The following CENPO variants were observed in gnomAD, a reference collection of about 807,000 sequenced individuals.
The protein encoded by CENPO is centromere protein O.
A neutral mutation model predicts 36.1 loss-of-function variants in CENPO; 30 were observed. The observed-to-expected ratio is 0.83, with a 90% confidence interval of 0.62 to 1.13. The LOEUF (loss-of-function observed/expected upper bound fraction) is 1.13. CENPO is among the 50% of genes most tolerant of loss of function. The probability of loss-of-function intolerance (pLI) is 0.00; values close to 1 mark genes in which losing one functional copy is unlikely to be tolerated. For missense variants in CENPO, 349 were observed against 357.8 expected, an observed-to-expected ratio of 0.98 and a Z score of 0.20; for synonymous variants, 171 against 142.3, an observed-to-expected ratio of 1.20 and a Z score of -1.44.
intron 3 of CENPO, among the ~76,000 whole-genome samples, chr2:24,805,545 T>A (rs547140417): frequency 6.6e-5 from 10 of 152,322 alleles, no homozygotes; most frequent in South Asian, 2.1e-4. Context: ...CTTCTAACAG[T>A]CGGGACCCTC....
Position 24,822,210 on chromosome 2 carries a change from C to A in CENPO, c.*2892C>A, listed in dbSNP as rs537951258. On this transcript the variant is annotated 3_prime_UTR_variant, in exon 8 of 8. Coordinates refer to ENST00000380834, the MANE Select transcript of CENPO (RefSeq NM_001322101.2). Reference sequence around the variant, plus strand: ...TTCTGAAGGCCATGCTTTCAGTTTCCCTTGTTGACAATTGCTCTCCAGTTC... The same window carrying A: ...TTCTGAAGGCCATGCTTTCAGTTTCACTTGTTGACAATTGCTCTCCAGTTC... 14 of 251,178 alleles carry A rather than the reference C, an allele frequency of 5.6e-5. No homozygotes were observed. The South Asian group carries it at 1.5e-3, about 26-fold the overall frequency. 15.6% of individuals were successfully genotyped at this position (251,178 alleles called of 1,614,324 possible).
Position 24,821,502 on chromosome 2 carries a change from G to T in CENPO, c.*2184G>T. 6.2e-7 allele frequency: 1 copy of T among 1,613,404 alleles called. No homozygotes were observed. The highest frequency in any genetic ancestry group is 8.5e-7 in the Non-Finnish European group (1 of 1,179,616). On this transcript the variant is annotated 3_prime_UTR_variant, in exon 8 of 8. Coordinates refer to ENST00000380834, the MANE Select transcript of CENPO (RefSeq NM_001322101.2). Reference sequence around the variant, plus strand: ...AGGGAGCCTGCTGCGGGGCAGGCCAGCTGGGGGTGCTCACCTATGCGCAGC... The same window carrying T: ...AGGGAGCCTGCTGCGGGGCAGGCCATCTGGGGGTGCTCACCTATGCGCAGC...
rs57556645 is a variant in CENPO, at chr2:24,817,466, C to CAAAAAAAAAAAAAAAAAAAAAAAAAAAAA, written c.767-194_767-193insAAAAAAAAAAAAAAAAAAAAAAAAAAAAA. Among the ~76,000 whole-genome samples the CAAAAAAAAAAAAAAAAAAAAAAAAAAAAA allele has an allele frequency of 4.1e-4, 45 of 110,030 alleles. 3 individuals are homozygous for CAAAAAAAAAAAAAAAAAAAAAAAAAAAAA. The highest frequency in any genetic ancestry group is 1.7e-3 in the African/African-American group (39 of 23,106). The allele number at this position is 110,030 out of a possible 152,430, so 72.2% of individuals were successfully genotyped here. The stretch of plus-strand genomic sequence containing the variant: ...AGTAAGGGGCAGCCTTAGTCCAGAC[C>CAAAAAAAAAAAAAAAAAAAAAAAAAAAAA]AAAAAAAAAAGCTGTATGGGTCCAG... On this transcript the variant is annotated intron_variant, in intron 6 of 7. Coordinates refer to ENST00000380834, the MANE Select transcript of CENPO (RefSeq NM_001322101.2).
At chr2:24,813,202 TGCCATTGCAC>T (rs1482922132) in intron 3 of CENPO, among the ~76,000 whole-genome samples, 1 of 152,098 alleles carries the variant, frequency 6.6e-6, no homozygotes, top group Non-Finnish European at 1.5e-5. Context: ...GCCGAGATTG[TGCCATTGCAC>T]TCCAGCCTGG....
At chr2:24,807,283 TAA>T (rs1666451243) in intron 3 of CENPO, among the ~76,000 whole-genome samples, 1 of 44,990 alleles carries the variant, frequency 2.2e-5, no homozygotes, top group Admixed American at 4.9e-4. Flanking sequence ...AGTCTTCTCT[TAA>T]GTCTTCTCTT....
At chr2:24,818,395 AG>A (rs1214211819) in intron 7 of CENPO, among the ~76,000 whole-genome samples, 46 of 151,874 alleles carry the variant, frequency 3.0e-4, no homozygotes, top group African/African-American at 1.1e-3. Flanking sequence ...TTTTTTTAAA[AG>A]GAAAGTATTT....
chr2:24,793,543 G>T, intron 1 of CENPO, 42 bp downstream of exon 1: 1 of 1,532,980 alleles, frequency 6.5e-7, no homozygotes, highest in South Asian at 1.3e-5. Context: ...CCCATTGTCG[G>T]ACCGGACCGT....
At chr2:24,801,454 GT>G (rs1666163014) in intron 3 of CENPO, among the ~76,000 whole-genome samples, 1 of 152,096 alleles carries the variant, frequency 6.6e-6, no homozygotes, top group Admixed American at 6.6e-5. Flanking sequence ...GATTTGTATG[GT>G]TTTAGGTCTA....
At chr2:24,812,477 TC>T (rs1666742028) in intron 3 of CENPO, among the ~76,000 whole-genome samples, 4 of 152,150 alleles carry the variant, frequency 2.6e-5, no homozygotes, top group Non-Finnish European at 5.9e-5. Context: ...TTGGCCAATA[TC>T]TCTTTAAATA....
chr2:24,815,189 G>A lies in CENPO; in HGVS notation c.335-308G>A, dbSNP rs79862173. On this transcript the variant is annotated intron_variant, in intron 4 of 7. Coordinates refer to ENST00000380834, the MANE Select transcript of CENPO (RefSeq NM_001322101.2). ...GGAAGTTGAGGTTGCAGTGAGCTGA[G>A]ATCGTGCCACCGCACTCCAGCCTGG... 4.5e-3 allele frequency among the ~76,000 whole-genome samples: 672 copies of A among 148,932 alleles called. 4 individuals are homozygous for A. Among genetic ancestry groups the A allele is most frequent in the African/African-American group, 0.016 (631 of 40,232 alleles).
chr2:24,807,279 CTCTTAA>C (rs1332658005), intron 3 of CENPO, among the ~76,000 whole-genome samples: 2 of 44,904 alleles, frequency 4.5e-5, no homozygotes, highest in Non-Finnish European at 8.4e-5. Flanking sequence ...TCCTAGTCTT[CTCTTAA>C]GTCTTCTCTT....
At chr2:24,819,316 A>G (rs1558386163) in intron 7 of CENPO, 38 bp from the exon 8 acceptor site, 1 of 152,570 alleles carries the variant, frequency 6.6e-6, no homozygotes, top group East Asian at 1.9e-4. Flanking sequence ...GATTAAAAAT[A>G]TAAATGTAGA....
chr2:24,815,508 A>G lies in CENPO; in HGVS notation c.346A>G (p.Lys116Glu), dbSNP rs1341934557. The change falls in exon 5 of 8, where the codon AAA becomes GAA. Residue 116 changes from lysine to glutamate, a missense_variant. By Grantham distance (56) the Lys-to-Glu change is moderately conservative. Coordinates refer to ENST00000380834, the MANE Select transcript of CENPO (RefSeq NM_001322101.2). ...CTTGTTTGCCTCAGGCCTCAGTGGT[A>G]AACTGACCAGCCGAGGAGTTTGTGT... Reference protein sequence around the residue: ...QAYHFTGLSGKLTSRGVCVCI... With the variant: ...QAYHFTGLSGELTSRGVCVCI... The G allele has an allele frequency of 6.2e-7, 1 of 1,613,796 alleles. No individual in the cohort carries two copies. The highest frequency in any genetic ancestry group is 1.3e-5 in the African/African-American group (1 of 74,924).
At chr2:24,816,493 A>T in intron 5 of CENPO, 153 bp from the exon 6 acceptor site, 1 of 629,486 alleles carries the variant, frequency 1.6e-6, no homozygotes, top group Non-Finnish European at 2.7e-6. Flanking sequence ...CTTTTTCATT[A>T]GTCCTTTTTT....
rs1352569233 is a variant in CENPO, at chr2:24,817,745, A to G, written c.842A>G (p.His281Arg). The stretch of plus-strand genomic sequence containing the variant: ...ACTCTGTTCTGTACGAAGCCCTTGC[A>G]TCAAGTGTTTGCCTCATTTACAAGA... ...HETLFCTKPL[H>R]QVFASFTRKG... is the part of the protein sequence containing the mutation. The change falls in exon 7 of 8, where the codon CAT (histidine) becomes CGT (arginine). Residue 281 changes from histidine (H) to arginine (R), a missense_variant. His to Arg is a conservative substitution (Grantham distance 29). Coordinates refer to ENST00000380834, the MANE Select transcript of CENPO (RefSeq NM_001322101.2). The G allele has an allele frequency of 3.7e-6, 6 of 1,614,242 alleles. No homozygotes were observed. The highest frequency in any genetic ancestry group is 5.1e-6 in the Non-Finnish European group (6 of 1,180,046).
rs902556005 is a variant in CENPO at position 24,817,767 on chromosome 2, A to C, written c.864A>C (p.Thr288=). The change falls in exon 7 of 8, where the codon ACA becomes ACC. Residue 288 remains threonine, a synonymous_variant. Transcript: ENST00000380834. ...KPLHQVFASF[T]RKGEKLDMSL... ...TGCATCAAGTGTTTGCCTCATTTACAAGAAAAGGAGAAAAGTTGGATATGA... is the reference window on the plus strand; with the variant it reads ...TGCATCAAGTGTTTGCCTCATTTACCAGAAAAGGAGAAAAGTTGGATATGA... The C allele has an allele frequency of 1.2e-6, 2 of 1,614,222 alleles. No homozygotes were observed.
chr2:24,821,827 G>A lies in CENPO; in HGVS notation c.*2509G>A. 1 of 776,404 alleles carries A rather than the reference G, an allele frequency of 1.3e-6. No homozygotes were observed. Among genetic ancestry groups the A allele is most frequent in the Non-Finnish European group, 2.0e-6 (1 of 505,342 alleles). The allele number at this position is 776,404 out of a possible 1,614,324, so 48.1% of individuals were successfully genotyped here. ...TTGCCACTGTGACAAAGTTCACGTA[G>A]CAGGTCTAGGCAAAGACTGGGCAAT... On this transcript the variant is annotated 3_prime_UTR_variant, in exon 8 of 8. Coordinates refer to ENST00000380834, the MANE Select transcript of CENPO (RefSeq NM_001322101.2).
chr2:24,801,390 G>A (rs1456967830), intron 3 of CENPO, among the ~76,000 whole-genome samples: 1 of 152,170 alleles, frequency 6.6e-6, no homozygotes, highest in African/African-American at 2.4e-5. Flanking sequence ...TTTTAGACAT[G>A]AAGTCCTTGC....
At chr2:24,793,636 G>C in intron 1 of CENPO, 135 bp downstream of exon 1, 1 of 1,380,546 alleles carries the variant, frequency 7.2e-7, no homozygotes, top group South Asian at 1.5e-5. Context: ...CCGTGGCCTC[G>C]GGAGCGCGCC....
Sources: gnomAD v4.1 joint callset for allele counts (sites outside exome capture counted in the v4.1 genomes callset) on GRCh38, gnomAD v4.1.1 for gene constraint, MANE v1.5 for transcripts, NCBI Gene and HGNC (gene_info 2026-07-23, HGNC 2026-07-21) for gene names.